The following SNTG1 variants were observed in gnomAD, a reference collection of about 807,000 sequenced individuals.
The protein encoded by SNTG1 is syntrophin gamma 1.
Under a neutral mutation model 74.7 loss-of-function variants are expected in SNTG1, and 39 were observed. The ratio of observed to expected loss-of-function variants is 0.52; its 90% confidence interval spans 0.40 to 0.68. The LOEUF (loss-of-function observed/expected upper bound fraction) is 0.68, where lower values mean the gene tolerates loss of function less well. SNTG1 is among the 30% of genes least tolerant of loss of function. The pLI is 0.00. For missense variants in SNTG1, 685 were observed against 609.5 expected (o/e 1.12, Z -1.30); for synonymous variants, 254 against 217.1 (o/e 1.17, Z -1.49).
chr8:49,952,082 T>G (rs144980302), intron 1 of SNTG1, among the ~76,000 whole-genome samples: 139 of 152,214 alleles, frequency 9.1e-4, no homozygotes, highest in African/African-American at 3.3e-3. Context: ...GAAATGTTAT[T>G]TTAGATCTAA....
At chr8:50,130,093 G>A (rs944704556) in intron 1 of SNTG1, among the ~76,000 whole-genome samples, 1 of 152,122 alleles carries the variant, frequency 6.6e-6, no homozygotes, top group African/African-American at 2.4e-5. Context: ...TAGCCTCTAA[G>A]TTAAAACTAT....
intron 9 of SNTG1, among the ~76,000 whole-genome samples, chr8:50,529,649 T>C (rs2094250362): frequency 6.6e-6 from 1 of 152,086 alleles, no homozygotes; most frequent in Non-Finnish European, 1.5e-5. Flanking sequence ...CTCATTAAAA[T>C]CTAATATGAA....
At position 50,795,886 on chromosome 8, in the gene SNTG1, G is replaced by GATA. The variant is rs1802788736; in HGVS notation, c.*3060_*3062dup. On this transcript the variant is annotated 3_prime_UTR_variant, in exon 19 of 19. Coordinates refer to ENST00000642720, the MANE Select transcript of SNTG1 (RefSeq NM_018967.5). ...TTATCCAGCTTTTTTAAAATGGGAG[G>GATA]ATAATCAGGTAATTATTTCTTGCCC... The GATA allele has an allele frequency of 2.0e-5, 3 of 152,074 alleles. No homozygotes were observed. In the South Asian group the frequency reaches 6.2e-4, roughly 32 times the overall value. 9.4% of individuals were successfully genotyped at this position (152,074 alleles called of 1,614,324 possible).
chr8:50,099,310 C>T (rs2080039823), intron 1 of SNTG1, among the ~76,000 whole-genome samples: 2 of 152,052 alleles, frequency 1.3e-5, no homozygotes, highest in South Asian at 4.1e-4. Context: ...GTGTCTGTGG[C>T]TAAAATGCAT....
At chr8:50,529,938 A>T (rs1039417626) in intron 9 of SNTG1, among the ~76,000 whole-genome samples, 3 of 151,352 alleles carry the variant, frequency 2.0e-5, no homozygotes, top group African/African-American at 4.8e-5. Flanking sequence ...TTCCTTTATA[A>T]AGTCTTAATG....
intron 1 of SNTG1, among the ~76,000 whole-genome samples, chr8:50,057,046 G>A (rs933643373): frequency 6.6e-6 from 1 of 152,080 alleles, no homozygotes; most frequent in African/African-American, 2.4e-5. Context: ...ATTTCATCAT[G>A]CACTTCTTTA....
chr8:50,256,276 T>C (rs1349133130), intron 2 of SNTG1, among the ~76,000 whole-genome samples: 2 of 152,100 alleles, frequency 1.3e-5, no homozygotes, highest in African/African-American at 4.8e-5. Flanking sequence ...ACATAGCAGG[T>C]ACTATATATT....
intron 2 of SNTG1, among the ~76,000 whole-genome samples, chr8:50,263,897 C>T (rs2087322965): frequency 6.6e-6 from 1 of 152,094 alleles, no homozygotes; most frequent in African/African-American, 2.4e-5. Flanking sequence ...CATTCAAGAA[C>T]ACATGAAACA....
chr8:50,362,783 T>C (rs2091996942), intron 2 of SNTG1, among the ~76,000 whole-genome samples: 1 of 152,160 alleles, frequency 6.6e-6, no homozygotes, highest in South Asian at 2.1e-4. Context: ...GTGAGTTTTA[T>C]GGGAAGTATA....
chr8:50,504,516 G>A (rs2093990271), intron 9 of SNTG1, among the ~76,000 whole-genome samples: 1 of 152,180 alleles, frequency 6.6e-6, no homozygotes, highest in African/African-American at 2.4e-5. Context: ...TTTAGGTGGG[G>A]TGCAGTGGCC....
chr8:49,969,221 A>AT (rs1050312166), intron 1 of SNTG1, among the ~76,000 whole-genome samples: 2 of 151,790 alleles, frequency 1.3e-5, no homozygotes, highest in African/African-American at 2.4e-5. Context: ...TACTTTTTAA[A>AT]TTTTTTTCTT....
chr8:49,912,842 A>T (rs921139850), intron 1 of SNTG1, among the ~76,000 whole-genome samples: 1 of 152,228 alleles, frequency 6.6e-6, no homozygotes, highest in African/African-American at 2.4e-5. Context: ...CTGATCTGCC[A>T]GAAAGCAGAA....
chr8:50,110,583 G>A (rs965960156), intron 1 of SNTG1, among the ~76,000 whole-genome samples: 21 of 152,194 alleles, frequency 1.4e-4, no homozygotes, highest in African/African-American at 4.6e-4. Context: ...GCCTGGAAGA[G>A]CAAGGGGCTA....
intron 3 of SNTG1, among the ~76,000 whole-genome samples, chr8:50,397,509 C>T (rs1205266257): frequency 1.3e-5 from 2 of 152,180 alleles, no homozygotes; most frequent in African/African-American, 4.8e-5. Context: ...ACTTCTTCCT[C>T]TATCAGACAG....
intron 2 of SNTG1, among the ~76,000 whole-genome samples, chr8:50,369,604 A>AAAC (rs2131138125): frequency 6.7e-6 from 1 of 149,950 alleles, no homozygotes; most frequent in African/African-American, 2.4e-5. Flanking sequence ...CCCAAAAAGA[A>AAAC]AAAAAAAAAA....
At chr8:50,512,804 G>A (rs999288089) in intron 9 of SNTG1, among the ~76,000 whole-genome samples, 1 of 152,026 alleles carries the variant, frequency 6.6e-6, no homozygotes, top group Non-Finnish European at 1.5e-5. Context: ...GGTTATTTTA[G>A]TTAGCCATTC....
At chr8:50,450,520 G>T in intron 6 of SNTG1, 36 bp from the exon 7 acceptor site, 1 of 1,606,784 alleles carries the variant, frequency 6.2e-7, no homozygotes, top group South Asian at 1.1e-5. Flanking sequence ...AACAAAAACA[G>T]TCAATGCATT....
chr8:49,915,063 A>G (rs1162836638), intron 1 of SNTG1: 1 of 152,206 alleles, frequency 6.6e-6, no homozygotes, highest in Non-Finnish European at 1.5e-5. Context: ...GGAAACAAGT[A>G]CTACTTGACA....
intron 15 of SNTG1, among the ~76,000 whole-genome samples, chr8:50,686,678 A>G (rs1474200970): frequency 6.6e-6 from 1 of 152,152 alleles, no homozygotes; most frequent in Non-Finnish European, 1.5e-5. Flanking sequence ...AAAATAAGTT[A>G]CTTTTTTTCA....
Sources: allele counts gnomAD v4.1 joint callset (sites outside exome capture counted in the v4.1 genomes callset), GRCh38; gene constraint gnomAD v4.1.1; transcripts MANE v1.5; gene names NCBI Gene and HGNC (gene_info 2026-07-23, HGNC 2026-07-21).